The following MEGF11 variants were observed in gnomAD, a reference collection of about 807,000 sequenced individuals.
The protein encoded by MEGF11 is multiple EGF like domains 11.
MEGF11 carries 126 observed loss-of-function variants against 146.6 expected under a neutral mutation model. The observed-to-expected ratio is 0.86, with a 90% CI of 0.74 to 1.00. The LOEUF (loss-of-function observed/expected upper bound fraction) is 1.00. Ranked by LOEUF, MEGF11 falls within the 50% of genes least tolerant of loss-of-function variation. The pLI is 0.00. For missense variants in MEGF11, 1,509 were observed against 1,521.2 expected, an observed-to-expected ratio of 0.99 and a Z score of 0.13; for synonymous variants, 532 against 583.4, an observed-to-expected ratio of 0.91 and a Z score of 1.27.
chr15:66,176,764 C>G (rs1311484791), intron 1 of MEGF11, among the ~76,000 whole-genome samples: 2 of 152,186 alleles, frequency 1.3e-5, no homozygotes, highest in Non-Finnish European at 2.9e-5. Flanking sequence ...TGGGGAGGTT[C>G]CCAGATGGTT....
At chr15:66,038,475 T>A (rs2083812084) in intron 5 of MEGF11, among the ~76,000 whole-genome samples, 1 of 152,200 alleles carries the variant, frequency 6.6e-6, no homozygotes, top group Non-Finnish European at 1.5e-5. Context: ...GAATCTGTTT[T>A]TCACTATTTC....
chr15:66,064,527 CT>C (rs1191475133), intron 5 of MEGF11, among the ~76,000 whole-genome samples: 5 of 151,960 alleles, frequency 3.3e-5, no homozygotes, highest in African/African-American at 9.6e-5. Context: ...ATTTTTTCTT[CT>C]CTTTTTGAGA....
intron 5 of MEGF11, among the ~76,000 whole-genome samples, chr15:66,013,025 C>A (rs149207835): frequency 3.7e-4 from 56 of 152,378 alleles, no homozygotes; most frequent in Non-Finnish European, 2.8e-4. Context: ...AGATTCTCCT[C>A]TTTCGCCTTG....
intron 1 of MEGF11, among the ~76,000 whole-genome samples, chr15:66,248,420 C>A (rs559101158): frequency 1.3e-5 from 2 of 152,326 alleles, no homozygotes; most frequent in South Asian, 2.1e-4. Context: ...CCTGAGCTAA[C>A]CATTATAAAA....
At chr15:65,961,960 G>A (rs2080871171) in intron 9 of MEGF11, among the ~76,000 whole-genome samples, 1 of 152,150 alleles carries the variant, frequency 6.6e-6, no homozygotes, top group South Asian at 2.1e-4. Context: ...AAAGGTGATG[G>A]ACAGATTGGG....
At chr15:66,025,302 G>C (rs1230996814) in intron 5 of MEGF11, among the ~76,000 whole-genome samples, 1 of 152,130 alleles carries the variant, frequency 6.6e-6, no homozygotes, top group African/African-American at 2.4e-5. Context: ...GCTGGTCCCA[G>C]GCTGATTCCT....
chr15:66,042,212 C>T (rs951773562), intron 5 of MEGF11, among the ~76,000 whole-genome samples: 2 of 150,814 alleles, frequency 1.3e-5, no homozygotes, highest in East Asian at 2.0e-4. Context: ...CCAGGTTCAG[C>T]GATTTTCATG....
chr15:66,105,996 A>G (rs1033892470), intron 4 of MEGF11, among the ~76,000 whole-genome samples: 4 of 152,168 alleles, frequency 2.6e-5, no homozygotes, highest in Admixed American at 6.5e-5. Context: ...TTCTCTGGCC[A>G]GGGGAGGGAG....
At chr15:66,087,288 A>T (rs903215015) in intron 5 of MEGF11, among the ~76,000 whole-genome samples, 1 of 152,218 alleles carries the variant, frequency 6.6e-6, no homozygotes, top group Non-Finnish European at 1.5e-5. Context: ...TCAACAAAAA[A>T]ACCATGGATT....
chr15:65,911,799 A>G (rs1240300021), intron 21 of MEGF11, among the ~76,000 whole-genome samples: 1 of 152,210 alleles, frequency 6.6e-6, no homozygotes, highest in South Asian at 2.1e-4. Context: ...ACATGATTAC[A>G]TGACTTGGTA....
chr15:66,199,412 C>T (rs1026073043), intron 1 of MEGF11, among the ~76,000 whole-genome samples: 3 of 152,114 alleles, frequency 2.0e-5, no homozygotes, highest in African/African-American at 7.2e-5. Flanking sequence ...CACTCCGCTG[C>T]TATTTGCTGT....
rs185833800 is a variant in MEGF11, at chr15:65,969,980, C to A, written c.899+573G>T. On this transcript the variant is annotated intron_variant, in intron 8 of 25. Coordinates refer to ENST00000395614, the MANE Select transcript of MEGF11 (RefSeq NM_001385028.1). ...CTCTGCACCTGCCCTGTCATCATGG[C>A]CTCCTTCTTCCCGCTGTGGCACATG... 3.3e-5 allele frequency among the ~76,000 whole-genome samples: 5 copies of A among 152,232 alleles called. No homozygotes were observed. The East Asian group carries it at 9.7e-4, about 29-fold the overall frequency.
At chr15:66,178,277 C>T (rs1420550925) in intron 1 of MEGF11, among the ~76,000 whole-genome samples, 1 of 152,228 alleles carries the variant, frequency 6.6e-6, no homozygotes, top group Non-Finnish European at 1.5e-5. Context: ...TGAGCCACTG[C>T]ACCTGGCTCT....
intron 4 of MEGF11, among the ~76,000 whole-genome samples, chr15:66,101,967 G>A (rs149907035): frequency 1.4e-4 from 21 of 152,172 alleles, no homozygotes; most frequent in African/African-American, 4.8e-4. Flanking sequence ...GCTACTAATC[G>A]CCCCAGGGTA....
chr15:66,060,546 C>T (rs1364916470), intron 5 of MEGF11, among the ~76,000 whole-genome samples: 1 of 152,232 alleles, frequency 6.6e-6, no homozygotes, highest in East Asian at 1.9e-4. Context: ...AACTGTCTTC[C>T]TCCTTCATCC....
At chr15:66,007,339 C>T (rs1386860588) in intron 5 of MEGF11, among the ~76,000 whole-genome samples, 1 of 152,196 alleles carries the variant, frequency 6.6e-6, no homozygotes, top group East Asian at 1.9e-4. Flanking sequence ...ATTCCAGAGG[C>T]AAGTGAAATG....
chr15:66,009,941 A>G, intron 5 of MEGF11, among the ~76,000 whole-genome samples: 1 of 152,150 alleles, frequency 6.6e-6, no homozygotes, highest in Non-Finnish European at 1.5e-5. Context: ...GAAGGCTTGA[A>G]TGACTTTGTC....
At chr15:65,916,747 T>C in intron 17 of MEGF11, 81 bp downstream of exon 17, 1 of 1,554,894 alleles carries the variant, frequency 6.4e-7, no homozygotes, top group Non-Finnish European at 8.7e-7. Context: ...CCCTCCCTGC[T>C]GGTCTGGACA....
chr15:65,941,844 A>G (rs909152773), intron 10 of MEGF11, among the ~76,000 whole-genome samples: 5 of 152,238 alleles, frequency 3.3e-5, no homozygotes, highest in Admixed American at 2.0e-4. Flanking sequence ...GTCCTAACCA[A>G]TGACCACACC....
Sources: gnomAD v4.1 joint callset for allele counts (sites outside exome capture counted in the v4.1 genomes callset) on GRCh38, gnomAD v4.1.1 for gene constraint, MANE v1.5 for transcripts, NCBI Gene and HGNC (gene_info 2026-07-23, HGNC 2026-07-21) for gene names.